TBC1D4: variants seen among roughly 807,000 people sequenced by gnomAD.
The protein encoded by TBC1D4 is TBC (Tre-2, BUB2, CDC16) domain-containing protein.
In TBC1D4, 121 loss-of-function variants were observed where a neutral mutation model predicts 142.5. The observed-to-expected ratio is 0.85, with a 90% confidence interval of 0.73 to 0.99. TBC1D4 has a LOEUF of 0.99. Among genes scored for constraint, TBC1D4 ranks in the 50% least tolerant of loss-of-function variants. The pLI is 0.00. For missense variants in TBC1D4, 1,475 were observed against 1,606.6 expected, an observed-to-expected ratio of 0.92 and a Z score of 1.40; for synonymous variants, 630 against 628.2, an observed-to-expected ratio of 1.00 and a Z score of -0.04.
At chr13:75,438,821 G>C (rs560271828) in intron 1 of TBC1D4, among the ~76,000 whole-genome samples, 1 of 151,954 alleles carries the variant, frequency 6.6e-6, no homozygotes, top group Admixed American at 6.6e-5. Context: ...GTAGTCAAAA[G>C]GGCATATGAT....
intron 1 of TBC1D4, among the ~76,000 whole-genome samples, chr13:75,441,084 G>A (rs1023247644): frequency 1.5e-4 from 23 of 151,954 alleles, no homozygotes; most frequent in Admixed American, 1.3e-3. Context: ...GTGAAATACC[G>A]TCTTTACTAA....
rs991807332 is a variant in TBC1D4, at chr13:75,313,280, T to A, written c.2223-382A>T. On this transcript the variant is annotated intron_variant, in intron 12 of 20. Transcript: ENST00000377636. ...ACAAGGTAAATATTCCATAAAAGCC[T>A]CACAAAGAGCTTTTGTTAGAGCTCT... 3.3e-5 allele frequency among the ~76,000 whole-genome samples: 5 copies of A among 152,200 alleles called. No individual in the cohort carries two copies. In the South Asian group the frequency reaches 1.0e-3, roughly 32 times the overall value.
intron 5 of TBC1D4, among the ~76,000 whole-genome samples, chr13:75,347,336 C>A (rs1447608915): frequency 6.6e-6 from 1 of 152,156 alleles, no homozygotes; most frequent in Non-Finnish European, 1.5e-5. Flanking sequence ...CAATTTCCTA[C>A]TGCGTGGTTT....
At chr13:75,309,215 G>A (rs915673256) in intron 14 of TBC1D4, among the ~76,000 whole-genome samples, 62 of 152,158 alleles carry the variant, frequency 4.1e-4, no homozygotes, top group African/African-American at 1.4e-3. Context: ...GCATCTCCTT[G>A]TATGTGGTTC....
chr13:75,440,556 T>TAA (rs1566492037), intron 1 of TBC1D4, among the ~76,000 whole-genome samples: 1 of 151,240 alleles, frequency 6.6e-6, no homozygotes, highest in African/African-American at 2.5e-5. Flanking sequence ...TTACTATTTT[T>TAA]TAAAAAAAAA....
intron 1 of TBC1D4, among the ~76,000 whole-genome samples, chr13:75,445,807 G>A (rs1384403815): frequency 2.0e-5 from 3 of 152,186 alleles, no homozygotes; most frequent in Admixed American, 6.5e-5. Context: ...CAATATTGCT[G>A]GAAAACACTT....
chr13:75,410,959 A>G (rs1164838357), intron 1 of TBC1D4, among the ~76,000 whole-genome samples: 2 of 149,302 alleles, frequency 1.3e-5, no homozygotes, highest in Non-Finnish European at 3.0e-5. Flanking sequence ...AAAAAAAAAA[A>G]AAAAAAATTC....
intron 1 of TBC1D4, among the ~76,000 whole-genome samples, chr13:75,456,563 T>A (rs1887743955): frequency 6.6e-6 from 1 of 152,092 alleles, no homozygotes; most frequent in South Asian, 2.1e-4. Flanking sequence ...ACATCATTAG[T>A]CATCTGCAAA....
At chr13:75,306,660 GA>G (rs1260104267) in intron 14 of TBC1D4, among the ~76,000 whole-genome samples, 189 bp from the exon 15 acceptor site, 1 of 151,746 alleles carries the variant, frequency 6.6e-6, no homozygotes, top group African/African-American at 2.4e-5. Context: ...TTTCATGTGA[GA>G]AAAAAAATGA....
chr13:75,481,863 G>C lies in TBC1D4; in HGVS notation c.-96C>G. The C allele has an allele frequency of 7.3e-7, 1 of 1,371,576 alleles. No homozygotes were observed. Among genetic ancestry groups the C allele is most frequent in the Non-Finnish European group, 9.4e-7 (1 of 1,069,152 alleles). 85.0% of individuals were successfully genotyped at this position (1,371,576 alleles called of 1,614,324 possible). A position where few individuals can be genotyped will look rare whatever the true frequency, so the allele number is the denominator to read the frequency against. Reference sequence around the variant, plus strand: ...CGCCGCCGAAACTGTGCCAACTGCCGCACCGGGCTCCCGCGCCTGCCTGGG... The same window carrying C: ...CGCCGCCGAAACTGTGCCAACTGCCCCACCGGGCTCCCGCGCCTGCCTGGG... On this transcript the variant is annotated 5_prime_UTR_variant, in exon 1 of 21. Transcript: ENST00000377636.
intron 15 of TBC1D4, 96 bp from the exon 16 acceptor site, chr13:75,302,497 C>G: frequency 7.1e-7 from 1 of 1,399,030 alleles, no homozygotes; most frequent in Non-Finnish European, 1.0e-6. Flanking sequence ...AAACAGGCAG[C>G]TGTATGTACT....
intron 1 of TBC1D4, among the ~76,000 whole-genome samples, chr13:75,474,549 AC>A (rs950965040): frequency 2.0e-5 from 3 of 152,030 alleles, no homozygotes; most frequent in Non-Finnish European, 4.4e-5. Context: ...ACAGAGTCAG[AC>A]TCCGTCTCAA....
intron 1 of TBC1D4, among the ~76,000 whole-genome samples, chr13:75,445,591 G>C (rs1887246091): frequency 6.6e-6 from 1 of 152,110 alleles, no homozygotes; most frequent in Non-Finnish European, 1.5e-5. Flanking sequence ...CTCACCCAGA[G>C]TAAAATGTAG....
At chr13:75,409,799 T>G (rs1885524786) in intron 1 of TBC1D4, among the ~76,000 whole-genome samples, 1 of 152,228 alleles carries the variant, frequency 6.6e-6, no homozygotes, top group Admixed American at 6.5e-5. Flanking sequence ...ATTAATAAAT[T>G]TAGCGAACCC....
rs1032778400 is a variant in TBC1D4, at chr13:75,423,248, TGTAA to T, written c.498+58018_498+58021del. Among the ~76,000 whole-genome samples, 18 of 151,196 alleles carry T rather than the reference TGTAA, an allele frequency of 1.2e-4. No homozygotes were observed. The South Asian group carries it at 3.1e-3, about 26-fold the overall frequency. ...TTATATAGTTCAAAATCTCTATGTATGTAAGTGTTTTTTTTTTCTCTGTTTAAAG... is the reference window on the plus strand; with the variant it reads ...TTATATAGTTCAAAATCTCTATGTATGTGTTTTTTTTTTCTCTGTTTAAAG... On this transcript the variant is annotated intron_variant, in intron 1 of 20. Transcript: ENST00000377636.
intron 9 of TBC1D4, among the ~76,000 whole-genome samples, chr13:75,327,041 A>T (rs1879327018): frequency 6.6e-6 from 1 of 152,218 alleles, no homozygotes; most frequent in Non-Finnish European, 1.5e-5. Flanking sequence ...AAAACAGGAA[A>T]TGAATGAAAA....
chr13:75,313,238 T>C (rs1354184001), intron 12 of TBC1D4, among the ~76,000 whole-genome samples: 4 of 152,222 alleles, frequency 2.6e-5, no homozygotes, highest in South Asian at 2.1e-4. Context: ...GGAAATAACA[T>C]GAATAGCTTA....
At chr13:75,444,259 G>C (rs1240769841) in intron 1 of TBC1D4, among the ~76,000 whole-genome samples, 1 of 152,142 alleles carries the variant, frequency 6.6e-6, no homozygotes, top group East Asian at 1.9e-4. Context: ...GTATAGCTGG[G>C]ACTACAGGCA....
At chr13:75,421,543 G>C (rs1264323974) in intron 1 of TBC1D4, among the ~76,000 whole-genome samples, 2 of 152,136 alleles carry the variant, frequency 1.3e-5, no homozygotes, top group African/African-American at 4.8e-5. Context: ...TCTGTAACAA[G>C]AACTCCAGAA....
Sources: gnomAD v4.1 joint callset for allele counts (sites outside exome capture counted in the v4.1 genomes callset) on GRCh38, gnomAD v4.1.1 for gene constraint, MANE v1.5 for transcripts, NCBI Gene and HGNC (gene_info 2026-07-23, HGNC 2026-07-21) for gene names.